Variants in CRLS1 observed in about 807,000 individuals in gnomAD.
CRLS1 encodes the protein cardiolipin synthase 1.
CRLS1 carries 24 observed loss-of-function variants against 37.0 expected under a neutral mutation model. That is an observed-to-expected ratio of 0.65 (90% CI 0.47 to 0.91). The LOEUF (loss-of-function observed/expected upper bound fraction) is 0.91. CRLS1 is among the 40% of genes least tolerant of loss of function. CRLS1 has a pLI of 0.00. For synonymous variants in CRLS1, 135 were observed against 159.7 expected, an observed-to-expected ratio of 0.85 and a Z score of 1.17; for missense variants, 373 against 395.8, an observed-to-expected ratio of 0.94 and a Z score of 0.49.
chr20:6,006,654 T>G (rs2090060327), intron 1 of CRLS1, 102 bp downstream of exon 1: 1 of 1,212,662 alleles, frequency 8.2e-7, no homozygotes, highest in Admixed American at 4.4e-5. Flanking sequence ...CGCTTCCGTT[T>G]CCTAACTTTT....
chr20:6,033,387 C>T (rs543831301), intron 5 of CRLS1, among the ~76,000 whole-genome samples: 9 of 152,232 alleles, frequency 5.9e-5, no homozygotes, highest in South Asian at 4.1e-4. Flanking sequence ...CCACCCATCT[C>T]GGCCTCCCAA....
chr20:6,022,776 T>C (rs1479491834), intron 3 of CRLS1, among the ~76,000 whole-genome samples: 3 of 152,228 alleles, frequency 2.0e-5, no homozygotes, highest in Non-Finnish European at 4.4e-5. Context: ...TATTGGACTT[T>C]TCAATCTGTG....
intron 3 of CRLS1, among the ~76,000 whole-genome samples, chr20:6,019,166 G>A (rs763037079): frequency 3.3e-5 from 5 of 152,124 alleles, no homozygotes; most frequent in Non-Finnish European, 5.9e-5. Context: ...TTTCTTTAGG[G>A]CAGAGTTTTA....
rs758814544 is a variant in CRLS1 at position 6,037,141 on chromosome 20, C to G, written c.889C>G (p.Gln297Glu). ...SYYHYGRKTV[Q>E]VIKD ...CTATCATTATGGCCGGAAGACTGTTCAGGTGATAAAAGACTGATGAAAGTC... is the reference window on the plus strand; with the variant it reads ...CTATCATTATGGCCGGAAGACTGTTGAGGTGATAAAAGACTGATGAAAGTC... The change falls in exon 7 of 7, where the codon CAG becomes GAG. Residue 297 changes from glutamine to glutamate, a missense_variant. Physicochemically the swap from Gln to Glu is conservative, Grantham distance 29. Transcript: ENST00000378863. 1 of 1,613,092 alleles carries G rather than the reference C, an allele frequency of 6.2e-7. No homozygotes were observed. Among genetic ancestry groups the G allele is most frequent in the Non-Finnish European group, 8.5e-7 (1 of 1,179,370 alleles).
intron 4 of CRLS1, 54 bp from the exon 5 acceptor site, chr20:6,031,958 A>C: frequency 1.5e-6 from 2 of 1,327,198 alleles, no homozygotes; most frequent in East Asian, 4.6e-5. Context: ...TTTAAATAAA[A>C]ATGTTATTTT....
chr20:6,030,976 G>A lies in CRLS1; in HGVS notation c.575-309G>A, dbSNP rs567850606. ...GAGTAGAGCTGATGCTGATAACTGC[G>A]GACTAATAGCTTAAAAACATGCAAG... On this transcript the variant is annotated intron_variant, in intron 3 of 6. Coordinates refer to ENST00000378863, the MANE Select transcript of CRLS1 (RefSeq NM_019095.6). Among the ~76,000 whole-genome samples the A allele has an allele frequency of 6.6e-5, 10 of 152,062 alleles. No homozygotes were observed. The East Asian group carries it at 1.5e-3, about 23-fold the overall frequency.
In CRLS1 at chr20:6,006,494, CG is replaced by C; in HGVS notation, c.251del (p.Gly84AlafsTer32). 7.3e-7 allele frequency: 1 copy of C among 1,365,370 alleles called. No individual in the cohort carries two copies. The highest frequency in any genetic ancestry group is 9.4e-7 in the Non-Finnish European group (1 of 1,065,266). The allele number at this position is 1,365,370 out of a possible 1,614,324, so 84.6% of individuals were successfully genotyped here. A position where few individuals can be genotyped will look rare whatever the true frequency, so the allele number is the denominator to read the frequency against. ...GCGGCTCCCAGGCCAGCGGCCGGAG[CG>C]GGCGCCGCTGCCGAAGCCCCGGGCG... ...GKAAPRPAAG[A>X]GAAAEAPGGQ... On this transcript the variant is annotated frameshift_variant, in exon 1 of 7. Transcript: ENST00000378863.
intron 2 of CRLS1, 21 bp from the exon 3 acceptor site, chr20:6,015,340 A>C: frequency 1.3e-6 from 2 of 1,520,330 alleles, no homozygotes; most frequent in Non-Finnish European, 1.8e-6. Flanking sequence ...TATATATATA[A>C]AAAAAAACTT....
rs141306208 is a variant in CRLS1, at chr20:6,037,561, C to T, written c.*403C>T. On this transcript the variant is annotated 3_prime_UTR_variant, in exon 7 of 7. Coordinates refer to ENST00000378863, the MANE Select transcript of CRLS1 (RefSeq NM_019095.6). ...ATGTCATGGGGTTCAAATATATATC[C>T]TACACAACTGGGCAATACATTTTTG... 0.011 allele frequency: 1,652 copies of T among 155,278 alleles called. 18 individuals are homozygous for T. The highest frequency in any genetic ancestry group is 0.017 in the Non-Finnish European group (1,187 of 70,128). The allele number at this position is 155,278 out of a possible 1,614,324, so 9.6% of individuals were successfully genotyped here. A position where few individuals can be genotyped will look rare whatever the true frequency, so the allele number is the denominator to read the frequency against.
chr20:6,015,544 C>A, intron 3 of CRLS1, 54 bp downstream of exon 3: 7 of 1,556,704 alleles, frequency 4.5e-6, no homozygotes, highest in Non-Finnish European at 6.2e-6. Flanking sequence ...TGACATTAGT[C>A]AGCTTAGGAT....
chr20:6,011,751 A>C (rs1600351620), intron 2 of CRLS1, among the ~76,000 whole-genome samples: 1 of 149,710 alleles, frequency 6.7e-6, no homozygotes, highest in Non-Finnish European at 1.5e-5. Flanking sequence ...ATGCCTGGCT[A>C]ATTTTTGTAT....
chr20:6,006,429 C>G lies in CRLS1; in HGVS notation c.183C>G (p.Pro61=), dbSNP rs1334390361. The change falls in exon 1 of 7, where the codon CCC becomes CCG. Residue 61 remains proline, a synonymous_variant. Coordinates refer to ENST00000378863, the MANE Select transcript of CRLS1 (RefSeq NM_019095.6). ...LRPAALGLRL[P]GIGQRNHCSG... ...CGGCCGCTCTTGGCTTGCGGCTGCC[C>G]GGGATCGGCCAGCGGAACCACTGTT... 2.8e-6 allele frequency: 4 copies of G among 1,406,048 alleles called. No homozygotes were observed. The highest frequency in any genetic ancestry group is 3.7e-6 in the Non-Finnish European group (4 of 1,080,582). The allele number at this position is 1,406,048 out of a possible 1,614,324, so 87.1% of individuals were successfully genotyped here.
chr20:6,019,454 T>C (rs923614533), intron 3 of CRLS1, among the ~76,000 whole-genome samples: 3 of 152,006 alleles, frequency 2.0e-5, no homozygotes, highest in East Asian at 3.9e-4. Flanking sequence ...CATTAACCTT[T>C]TGATGTCTGT....
At chr20:6,019,913 G>C (rs1049361221) in intron 3 of CRLS1, among the ~76,000 whole-genome samples, 1 of 151,672 alleles carries the variant, frequency 6.6e-6, no homozygotes, top group Non-Finnish European at 1.5e-5. Flanking sequence ...ATCCTGAAGT[G>C]ATCCTGACCT....
chr20:6,025,448 C>A (rs987599892), intron 3 of CRLS1, among the ~76,000 whole-genome samples: 15 of 152,182 alleles, frequency 9.9e-5, no homozygotes, highest in African/African-American at 3.6e-4. Context: ...TGTTACTGCT[C>A]ATTGACAACA....
At position 6,020,053 on chromosome 20, in the gene CRLS1, T is replaced by G. The variant is rs993017219; in HGVS notation, c.574+4563T>G. Among the ~76,000 whole-genome samples the G allele has an allele frequency of 8.5e-5, 13 of 152,274 alleles. No individual in the cohort carries two copies. In the East Asian group the frequency reaches 2.3e-3, roughly 27 times the overall value. Reference sequence around the variant, plus strand: ...TATGTAATTAAAAATTTTTAGTAGTTTTTAAAAAAGGAAACATGAAAATTG... The same window carrying G: ...TATGTAATTAAAAATTTTTAGTAGTGTTTAAAAAAGGAAACATGAAAATTG... On this transcript the variant is annotated intron_variant, in intron 3 of 6. Transcript: ENST00000378863.
chr20:6,020,897 G>A (rs1159541514), intron 3 of CRLS1, among the ~76,000 whole-genome samples: 2 of 151,492 alleles, frequency 1.3e-5, no homozygotes, highest in Non-Finnish European at 2.9e-5. Flanking sequence ...CTCCCGAAGT[G>A]CTGGGATTAC....
At chr20:6,029,655 G>A (rs75181938) in intron 3 of CRLS1, among the ~76,000 whole-genome samples, 2,803 of 152,230 alleles carry the variant, frequency 0.018, 84 homozygotes, top group African/African-American at 0.063. Flanking sequence ...CACCGTGCAG[G>A]TTTGCTGCAT....
At chr20:6,023,765 C>T (rs1979458688) in intron 3 of CRLS1, among the ~76,000 whole-genome samples, 2 of 150,066 alleles carry the variant, frequency 1.3e-5, no homozygotes, top group African/African-American at 4.9e-5. Flanking sequence ...AAAAAAAGTT[C>T]TTATATCGTG....
Sources: allele counts gnomAD v4.1 joint callset (sites outside exome capture counted in the v4.1 genomes callset), GRCh38; gene constraint gnomAD v4.1.1; transcripts MANE v1.5; gene names NCBI Gene and HGNC (gene_info 2026-07-23, HGNC 2026-07-21).